The following TBC1D22A variants were observed in gnomAD, a reference collection of about 807,000 sequenced individuals.
TBC1D22A encodes the protein TBC1 domain family member 22A.
In TBC1D22A, 38 loss-of-function variants were observed where a neutral mutation model predicts 60.2. The observed-to-expected ratio is 0.63, with a 90% CI of 0.49 to 0.83. TBC1D22A has a LOEUF of 0.83. Among genes scored for constraint, TBC1D22A ranks in the 40% least tolerant of loss-of-function variants. TBC1D22A has a pLI of 0.00. For missense variants in TBC1D22A, 628 were observed against 701.0 expected, an observed-to-expected ratio of 0.90 and a Z score of 1.18; for synonymous variants, 302 against 281.7, an observed-to-expected ratio of 1.07 and a Z score of -0.72.
At chr22:47,135,847 A>T (rs894390349) in intron 12 of TBC1D22A, among the ~76,000 whole-genome samples, 1 of 151,788 alleles carries the variant, frequency 6.6e-6, no homozygotes, top group South Asian at 2.1e-4. Flanking sequence ...GACCACCCGG[A>T]CACACGTGGT....
At chr22:46,832,233 G>C (rs1290865714) in intron 4 of TBC1D22A, among the ~76,000 whole-genome samples, 1 of 152,222 alleles carries the variant, frequency 6.6e-6, no homozygotes, top group Non-Finnish European at 1.5e-5. Flanking sequence ...CAGATCCAGA[G>C]CGGGAGCTGT....
At chr22:47,166,268 G>A (rs1215045818) in intron 12 of TBC1D22A, among the ~76,000 whole-genome samples, 1 of 152,198 alleles carries the variant, frequency 6.6e-6, no homozygotes, top group Non-Finnish European at 1.5e-5. Flanking sequence ...GGAGCAGGCA[G>A]AGGAGGGAGG....
intron 9 of TBC1D22A, among the ~76,000 whole-genome samples, chr22:46,980,960 C>T (rs1410854621): frequency 6.6e-6 from 1 of 152,216 alleles, no homozygotes; most frequent in Non-Finnish European, 1.5e-5. Flanking sequence ...GATTTAAAAA[C>T]AGAATCCAGC....
At chr22:46,898,395 C>T (rs192645552) in intron 7 of TBC1D22A, among the ~76,000 whole-genome samples, 2 of 152,274 alleles carry the variant, frequency 1.3e-5, no homozygotes, top group East Asian at 3.9e-4. Flanking sequence ...GGAGACAGGT[C>T]TATGTCTTTC....
rs141430493 is a variant in TBC1D22A, at chr22:46,928,066, C to T, written c.1015+15878C>T. Among the ~76,000 whole-genome samples the T allele has an allele frequency of 8.2e-4, 124 of 151,382 alleles. 1 individual carries two copies. The East Asian group carries it at 0.017, about 21-fold the overall frequency. ...TAAATGGCTTCTTAGCAGAAATTGT[C>T]GAGCTTATCTTAAAATTCATTTGGG... On this transcript the variant is annotated intron_variant, in intron 8 of 12. Coordinates refer to ENST00000337137, the MANE Select transcript of TBC1D22A (RefSeq NM_014346.5).
At chr22:46,861,082 C>G (rs572525944) in intron 4 of TBC1D22A, among the ~76,000 whole-genome samples, 18 of 152,096 alleles carry the variant, frequency 1.2e-4, no homozygotes, top group Admixed American at 2.0e-4. Flanking sequence ...CTCAGCCTCC[C>G]GAGTAGCTGG....
At chr22:47,051,569 C>T (rs984033073) in intron 11 of TBC1D22A, among the ~76,000 whole-genome samples, 1 of 152,116 alleles carries the variant, frequency 6.6e-6, no homozygotes, top group African/African-American at 2.4e-5. Flanking sequence ...CCTGGTGATT[C>T]TCCTGGAGGG....
At chr22:46,987,021 G>T (rs1176157678) in intron 9 of TBC1D22A, among the ~76,000 whole-genome samples, 1 of 152,214 alleles carries the variant, frequency 6.6e-6, no homozygotes, top group Non-Finnish European at 1.5e-5. Flanking sequence ...TCCACGCGCT[G>T]ATTGTCCTCG....
At chr22:47,073,805 G>A (rs2064100930) in intron 11 of TBC1D22A, among the ~76,000 whole-genome samples, 1 of 152,116 alleles carries the variant, frequency 6.6e-6, no homozygotes, top group Admixed American at 6.5e-5. Context: ...CCACCCCATG[G>A]GAGCTTTCTA....
chr22:46,955,112 G>A (rs533808987), intron 8 of TBC1D22A, among the ~76,000 whole-genome samples: 1 of 152,286 alleles, frequency 6.6e-6, no homozygotes, highest in African/African-American at 2.4e-5. Flanking sequence ...CCATTGCTAT[G>A]CTGTGGGGTC....
intron 10 of TBC1D22A, among the ~76,000 whole-genome samples, chr22:47,011,385 C>T (rs1229034688): frequency 6.6e-6 from 1 of 152,200 alleles, no homozygotes; most frequent in African/African-American, 2.4e-5. Flanking sequence ...GCCCCGCCCA[C>T]CTCATGACCC....
intron 12 of TBC1D22A, among the ~76,000 whole-genome samples, chr22:47,118,693 A>T (rs1299054175): frequency 6.6e-6 from 1 of 152,196 alleles, no homozygotes; most frequent in African/African-American, 2.4e-5. Context: ...TTAGAGGGGC[A>T]GTTGGAAATG....
At chr22:47,100,534 A>G (rs57638441) in intron 11 of TBC1D22A, among the ~76,000 whole-genome samples, 1,706 of 152,234 alleles carry the variant, frequency 0.011, 51 homozygotes, top group African/African-American at 0.039. Flanking sequence ...TAATAGAATC[A>G]TGGGGGCAGG....
intron 7 of TBC1D22A, among the ~76,000 whole-genome samples, chr22:46,897,652 G>GTTTTTTTTTT (rs34529641): frequency 1.8e-5 from 2 of 111,514 alleles, no homozygotes; most frequent in African/African-American, 3.9e-5. Context: ...TTTTTTTTGT[G>GTTTTTTTTTT]TTTTTTTTTT....
intron 11 of TBC1D22A, among the ~76,000 whole-genome samples, chr22:47,079,279 G>A (rs993789832): frequency 2.0e-5 from 3 of 151,998 alleles, no homozygotes. Flanking sequence ...TAGAGATGGG[G>A]TTTCACCATA....
intron 12 of TBC1D22A, among the ~76,000 whole-genome samples, chr22:47,162,772 C>T (rs574652485): frequency 4.4e-5 from 6 of 137,542 alleles, no homozygotes; most frequent in Non-Finnish European, 7.6e-5. Flanking sequence ...AGTGGGACTG[C>T]GGACCCAGTG....
chr22:47,154,955 C>G (rs1279344148), intron 12 of TBC1D22A, among the ~76,000 whole-genome samples: 2 of 152,226 alleles, frequency 1.3e-5, no homozygotes, highest in Non-Finnish European at 2.9e-5. Flanking sequence ...CTGCTGCCCG[C>G]TGGGCATTTC....
chr22:47,010,340 C>G (rs1056058500), intron 10 of TBC1D22A, among the ~76,000 whole-genome samples: 5 of 151,488 alleles, frequency 3.3e-5, no homozygotes, highest in African/African-American at 9.8e-5. Context: ...GCTCCCTCCC[C>G]CTGGCTCTCG....
chr22:46,859,084 C>T (rs1281278342), intron 4 of TBC1D22A, among the ~76,000 whole-genome samples: 5 of 132,768 alleles, frequency 3.8e-5, no homozygotes, highest in South Asian at 2.4e-4. Flanking sequence ...GAGGTCCGCG[C>T]AGTGCTGTGC....
Sources: gnomAD v4.1 joint callset for allele counts (sites outside exome capture counted in the v4.1 genomes callset) on GRCh38, gnomAD v4.1.1 for gene constraint, MANE v1.5 for transcripts, NCBI Gene and HGNC (gene_info 2026-07-23, HGNC 2026-07-21) for gene names.